SLK: variants seen among roughly 807,000 people sequenced by gnomAD.
The protein encoded by SLK is STE20 like kinase.
SLK carries 67 observed loss-of-function variants against 147.7 expected under a neutral mutation model. The ratio of observed to expected loss-of-function variants is 0.45; its 90% confidence interval spans 0.37 to 0.56. The LOEUF is 0.56. Ranked by LOEUF, SLK falls within the 20% of genes least tolerant of loss-of-function variation. The pLI is 0.00. For missense variants in SLK, 1,136 were observed against 1,438.8 expected (o/e 0.79, Z 3.41); for synonymous variants, 441 against 475.0 (o/e 0.93, Z 0.93).
At chr10:103,983,891 C>T (rs938408958) in intron 1 of SLK, among the ~76,000 whole-genome samples, 2 of 152,156 alleles carry the variant, frequency 1.3e-5, no homozygotes, top group African/African-American at 4.8e-5. Context: ...CCTCAGAGGT[C>T]CGTCTGAGTT....
intron 4 of SLK, among the ~76,000 whole-genome samples, chr10:103,995,845 T>A (rs764224159): frequency 2.0e-5 from 3 of 152,190 alleles, no homozygotes; most frequent in Non-Finnish European, 2.9e-5. Flanking sequence ...CTAGGACTTT[T>A]CAAAGGACAG....
rs564010918 is a variant in SLK, at chr10:104,014,599, G to A, written c.2878-3561G>A. Among the ~76,000 whole-genome samples the A allele has an allele frequency of 3.3e-5, 5 of 152,140 alleles. No homozygotes were observed. In the South Asian group the frequency reaches 6.3e-4, roughly 19 times the overall value. On this transcript the variant is annotated intron_variant, in intron 13 of 18. Coordinates refer to ENST00000369755, the MANE Select transcript of SLK (RefSeq NM_014720.4). ...AGGAGAGGGAGAAATTATGAATTAC[G>A]ATCACTTTTCTGATCATTACCATTT...
chr10:104,020,019 C>A, intron 16 of SLK, 97 bp downstream of exon 16: 1 of 921,254 alleles, frequency 1.1e-6, no homozygotes, highest in Non-Finnish European at 1.7e-6. Flanking sequence ...ACAATTAGAG[C>A]CACCTTAGGC....
intron 1 of SLK, among the ~76,000 whole-genome samples, chr10:103,978,676 TACTA>T (rs1317770769): frequency 6.6e-6 from 1 of 152,214 alleles, no homozygotes; most frequent in Non-Finnish European, 1.5e-5. Flanking sequence ...CTGTGTTTCT[TACTA>T]ACGTGTTTTT....
chr10:104,011,433 G>A (rs894943498), intron 13 of SLK, among the ~76,000 whole-genome samples: 1 of 152,042 alleles, frequency 6.6e-6, no homozygotes, highest in Admixed American at 6.5e-5. Context: ...TAAATATTAA[G>A]TACCTTGTTT....
intron 2 of SLK, 58 bp from the exon 3 acceptor site, chr10:103,992,539 GA>G (rs1844110540): frequency 1.4e-6 from 2 of 1,383,454 alleles, no homozygotes; most frequent in Admixed American, 5.0e-5. Flanking sequence ...AAAAAATACT[GA>G]AACTCAAAAC....
intron 11 of SLK, among the ~76,000 whole-genome samples, chr10:104,006,876 A>G (rs1233095986): frequency 2.0e-5 from 3 of 152,172 alleles, no homozygotes; most frequent in Non-Finnish European, 4.4e-5. Flanking sequence ...CCAAAACCTT[A>G]TAAAATCTGT....
chr10:104,011,676 T>G (rs2134515383), intron 13 of SLK, among the ~76,000 whole-genome samples: 1 of 152,106 alleles, frequency 6.6e-6, no homozygotes, highest in Non-Finnish European at 1.5e-5. Flanking sequence ...TTCTCCTGCC[T>G]CAGCCTCCCG....
intron 1 of SLK, among the ~76,000 whole-genome samples, chr10:103,970,205 G>A (rs950925314): frequency 1.3e-5 from 2 of 152,218 alleles, no homozygotes; most frequent in African/African-American, 4.8e-5. Context: ...GCTCATAGAT[G>A]CAAACTTTGG....
In SLK at chr10:103,999,411, T is replaced by G. The variant is rs1844216406; in HGVS notation, c.782+98T>G. On this transcript the variant is annotated intron_variant, in intron 6 of 18. Coordinates refer to ENST00000369755, the MANE Select transcript of SLK (RefSeq NM_014720.4). ...ACAATTTTCCAAGAGTATTTAAAAT[T>G]GGATACATGGTTCGAAGACTATATG... The G allele has an allele frequency of 3.3e-6, 3 of 900,070 alleles. No individual in the cohort carries two copies. In the Admixed American group the frequency reaches 8.7e-5, roughly 26 times the overall value. 55.8% of individuals were successfully genotyped at this position (900,070 alleles called of 1,614,324 possible).
chr10:103,989,153 A>G (rs1844056356), intron 1 of SLK, among the ~76,000 whole-genome samples: 1 of 152,240 alleles, frequency 6.6e-6, no homozygotes, highest in Non-Finnish European at 1.5e-5. Context: ...GTTATCCAGA[A>G]TATGCAAATA....
At chr10:104,013,401 T>C (rs1026025959) in intron 13 of SLK, among the ~76,000 whole-genome samples, 3 of 152,026 alleles carry the variant, frequency 2.0e-5, no homozygotes. Context: ...TGGGGGTGAA[T>C]TTTAAAAAAG....
chr10:103,980,426 T>C (rs565360642), intron 1 of SLK, among the ~76,000 whole-genome samples: 8 of 152,270 alleles, frequency 5.3e-5, no homozygotes, highest in African/African-American at 1.7e-4. Context: ...CTGTCACCAC[T>C]GTCTGTCCAT....
At position 103,999,910 on chromosome 10, in the gene SLK, A is replaced by C. The variant is rs756241475; in HGVS notation, c.826A>C (p.Asn276His). The part of the protein sequence containing the change: ...KDFLKKCLEK[N>H]VDARWTTSQL... ...CTTTCTAAAGAAATGCTTAGAAAAG[A>C]ATGTGGATGCCAGGTGGACTACATC... The change falls in exon 7 of 19, where the codon AAT becomes CAT. Residue 276 changes from asparagine to histidine, a missense_variant. Around this residue, in one of 6 missense-constraint regions of SLK, gnomAD observed 141 missense variants for 219.3 expected, o/e 0.64. Transcript: ENST00000369755. 1.3e-6 allele frequency: 2 copies of C among 1,565,344 alleles called. No homozygotes were observed. Among genetic ancestry groups the C allele is most frequent in the Non-Finnish European group, 1.7e-6 (2 of 1,143,388 alleles).
At chr10:104,020,678 A>G (rs1844522940) in intron 17 of SLK, 65 bp downstream of exon 17, 1 of 1,547,046 alleles carries the variant, frequency 6.5e-7, no homozygotes, top group Non-Finnish European at 8.7e-7. Context: ...TGCTTTTGAG[A>G]GAACAGTAGC....
At chr10:103,983,667 G>GT (rs11327089) in intron 1 of SLK, among the ~76,000 whole-genome samples, 16,724 of 144,988 alleles carry the variant, frequency 0.12, 1,275 homozygotes, top group Non-Finnish European at 0.16. Flanking sequence ...CCTTGTAGAG[G>GT]TTTTTTTTTT....
At chr10:104,005,758 G>A (rs1450558205) in intron 10 of SLK, 67 bp downstream of exon 10, 2 of 1,532,890 alleles carry the variant, frequency 1.3e-6, no homozygotes, top group Non-Finnish European at 1.8e-6. Flanking sequence ...AAAGTCAGAA[G>A]AATAGAGAAA....
chr10:104,019,385 C>T (rs778229444), intron 15 of SLK, among the ~76,000 whole-genome samples: 4 of 152,100 alleles, frequency 2.6e-5, no homozygotes, highest in Admixed American at 2.0e-4. Flanking sequence ...AGGGATCCTC[C>T]TACCTCAGCC....
rs575720632 is a variant in SLK, at chr10:103,988,506, A to T, written c.151-2169A>T. The stretch of plus-strand genomic sequence containing the variant: ...TTGCAACCTCTAGCATAAATGGGTT[A>T]ATTTCACACACAAAAATTTGCAACC... On this transcript the variant is annotated intron_variant, in intron 1 of 18. Transcript: ENST00000369755. 3.3e-5 allele frequency among the ~76,000 whole-genome samples: 5 copies of T among 152,264 alleles called. No homozygotes were observed. The South Asian group carries it at 1.0e-3, about 32-fold the overall frequency.
Sources: gnomAD v4.1 joint callset for allele counts (sites outside exome capture counted in the v4.1 genomes callset) on GRCh38, gnomAD v4.1.1 for gene constraint, gnomAD v4.1.1 regional missense constraint, MANE v1.5 for transcripts, NCBI Gene and HGNC (gene_info 2026-07-23, HGNC 2026-07-21) for gene names.